Variants in CABP7 observed in about 807,000 individuals in gnomAD.
The protein encoded by CABP7 is calcium-binding protein 7.
Under a neutral mutation model 23.1 loss-of-function variants are expected in CABP7, and 13 were observed. The observed-to-expected ratio is 0.56, with a 90% CI of 0.37 to 0.90. The LOEUF (loss-of-function observed/expected upper bound fraction) is 0.90. Among genes scored for constraint, CABP7 ranks in the 40% least tolerant of loss-of-function variants. The pLI, the probability that CABP7 is intolerant of heterozygous loss-of-function variation, is 0.01. For missense variants in CABP7, 248 were observed against 295.6 expected, an observed-to-expected ratio of 0.84 and a Z score of 1.18; for synonymous variants, 123 against 115.3, an observed-to-expected ratio of 1.07 and a Z score of -0.43.
chr22:29,723,378 A>G lies in CABP7; in HGVS notation c.109+2845A>G, dbSNP rs570050265. 3.1e-4 allele frequency among the ~76,000 whole-genome samples: 47 copies of G among 152,158 alleles called. 2 individuals are homozygous for G. Among genetic ancestry groups the G allele is most frequent in the Admixed American group, 3.0e-3 (46 of 15,248 alleles). On this transcript the variant is annotated intron_variant, in intron 1 of 4. Transcript: ENST00000216144. ...GAGGGACAGGCACGGACTCTCTTAG[A>G]TCCCCTCTGTGTGCCCACCATGGCT...
At chr22:29,728,781 T>C (rs1204209417) in intron 3 of CABP7, 39 bp downstream of exon 3, 1 of 1,413,538 alleles carries the variant, frequency 7.1e-7, no homozygotes, top group African/African-American at 1.4e-5. Context: ...CTGTGCACAC[T>C]GTGGAGTTCT....
chr22:29,720,344 C>T lies in CABP7; in HGVS notation c.-81C>T, dbSNP rs2067750283. 3 of 737,762 alleles carry T rather than the reference C, an allele frequency of 4.1e-6. No individual in the cohort carries two copies. Among genetic ancestry groups the T allele is most frequent in the Non-Finnish European group, 5.3e-6 (3 of 564,132 alleles). The allele number at this position is 737,762 out of a possible 1,614,324, so 45.7% of individuals were successfully genotyped here. ...CCGCAGCCGCGCGCCCCGCCCGCTCCAGCCGCCCCCGGGGCCGCCACCGGC... is the reference window on the plus strand; with the variant it reads ...CCGCAGCCGCGCGCCCCGCCCGCTCTAGCCGCCCCCGGGGCCGCCACCGGC... On this transcript the variant is annotated 5_prime_UTR_variant, in exon 1 of 5. Transcript: ENST00000216144. The surrounding 1 kb of genome is among the most constrained non-coding windows in gnomAD (Gnocchi z 5.2).
At position 29,727,844 on chromosome 22, in the gene CABP7, T is replaced by C. The variant is rs571752028; in HGVS notation, c.253+39T>C. Reference sequence around the variant, plus strand: ...CGCCTCGGTTTCCCCACCTGGCATCTGGGCCCTGGGGGTGGGGCAGGGGCT... The same window carrying C: ...CGCCTCGGTTTCCCCACCTGGCATCCGGGCCCTGGGGGTGGGGCAGGGGCT... On this transcript the variant is annotated intron_variant, in intron 2 of 4. Coordinates refer to ENST00000216144, the MANE Select transcript of CABP7 (RefSeq NM_182527.3). The surrounding 1 kb of genome is among the most constrained non-coding windows in gnomAD (Gnocchi z 4.2). The C allele has an allele frequency of 6.3e-7, 1 of 1,587,662 alleles. No homozygotes were observed. Among genetic ancestry groups the C allele is most frequent in the Admixed American group, 1.7e-5 (1 of 58,240 alleles).
At position 29,720,257 on chromosome 22, in the gene CABP7, G is replaced by A. The variant is rs903117710; in HGVS notation, c.-168G>A. The A allele has an allele frequency of 1.3e-5, 2 of 153,390 alleles. No individual in the cohort carries two copies. Among genetic ancestry groups the A allele is most frequent in the Admixed American group, 1.4e-4 (2 of 14,750 alleles). The allele number at this position is 153,390 out of a possible 1,614,324, so 9.5% of individuals were successfully genotyped here. A position where few individuals can be genotyped will look rare whatever the true frequency, so the allele number is the denominator to read the frequency against. Reference sequence around the variant, plus strand: ...CGGGCGGCATGGCCCGGCGGCCCGGGGCGCGGGGGCGCTAGGCCCCCGGAG... The same window carrying A: ...CGGGCGGCATGGCCCGGCGGCCCGGAGCGCGGGGGCGCTAGGCCCCCGGAG... On this transcript the variant is annotated 5_prime_UTR_variant, in exon 1 of 5. Coordinates refer to ENST00000216144, the MANE Select transcript of CABP7 (RefSeq NM_182527.3). The surrounding 1 kb of genome is among the most constrained non-coding windows in gnomAD (Gnocchi z 5.2).
In CABP7 at chr22:29,720,398, C is replaced by T. The variant is rs757199083; in HGVS notation, c.-27C>T. On this transcript the variant is annotated 5_prime_UTR_variant, in exon 1 of 5. Coordinates refer to ENST00000216144, the MANE Select transcript of CABP7 (RefSeq NM_182527.3). This position sits in a 1 kb window ranked among gnomAD's most constrained non-coding sequence, Gnocchi z 5.2. ...TGAGCCCCGGCCTCAAAGTTTGCGG[C>T]GGGCGGGCGGGCGCGGAGCCTCCAA... 7 of 1,401,056 alleles carry T rather than the reference C, an allele frequency of 5.0e-6. No individual in the cohort carries two copies. The Admixed American group carries it at 9.5e-5, about 19-fold the overall frequency. 86.8% of individuals were successfully genotyped at this position (1,401,056 alleles called of 1,614,324 possible). A position where few individuals can be genotyped will look rare whatever the true frequency, so the allele number is the denominator to read the frequency against.
chr22:29,729,237 G>T, intron 4 of CABP7, 29 bp downstream of exon 4: 3 of 1,589,704 alleles, frequency 1.9e-6, no homozygotes, highest in Non-Finnish European at 2.6e-6. Flanking sequence ...AACCCCACGG[G>T]TGGGCCCAGT....
Position 29,731,658 on chromosome 22 carries a change from C to T in CABP7, c.*2089C>T, listed in dbSNP as rs2067846665. 9.0e-6 allele frequency: 3 copies of T among 333,290 alleles called. No homozygotes were observed. The highest frequency in any genetic ancestry group is 1.6e-5 in the Non-Finnish European group (3 of 183,734). The allele number at this position is 333,290 out of a possible 1,614,324, so 20.6% of individuals were successfully genotyped here. A position where few individuals can be genotyped will look rare whatever the true frequency, so the allele number is the denominator to read the frequency against. The stretch of plus-strand genomic sequence containing the variant: ...ATATGCACGTCCACAGCAGAGAATG[C>T]CATGCGGCCTGTGTAAGAATTAAGG... On this transcript the variant is annotated 3_prime_UTR_variant, in exon 5 of 5. Coordinates refer to ENST00000216144, the MANE Select transcript of CABP7 (RefSeq NM_182527.3).
Position 29,731,514 on chromosome 22 carries a change from G to A in CABP7, c.*1945G>A. The A allele has an allele frequency of 1.1e-6, 1 of 911,694 alleles. No individual in the cohort carries two copies. The highest frequency in any genetic ancestry group is 1.6e-6 in the Non-Finnish European group (1 of 642,946). 56.5% of individuals were successfully genotyped at this position (911,694 alleles called of 1,614,324 possible). On this transcript the variant is annotated 3_prime_UTR_variant, in exon 5 of 5. Coordinates refer to ENST00000216144, the MANE Select transcript of CABP7 (RefSeq NM_182527.3). The stretch of plus-strand genomic sequence containing the variant: ...CCTCGAAAATAGGCAGACCGTTTGA[G>A]CCAGCGACCTCACCTCTAGGAACTG...
At position 29,731,145 on chromosome 22, in the gene CABP7, C is replaced by T. The variant is rs768458582; in HGVS notation, c.*1576C>T. On this transcript the variant is annotated 3_prime_UTR_variant, in exon 5 of 5. Coordinates refer to ENST00000216144, the MANE Select transcript of CABP7 (RefSeq NM_182527.3). ...AGATGGTCTCGGAGCCTCCATGGGGCGTAGCAGGAACCGGGCTTGGCTTCC... is the reference window on the plus strand; with the variant it reads ...AGATGGTCTCGGAGCCTCCATGGGGTGTAGCAGGAACCGGGCTTGGCTTCC... 5.0e-6 allele frequency: 7 copies of T among 1,397,986 alleles called. No homozygotes were observed. Among genetic ancestry groups the T allele is most frequent in the African/African-American group, 1.5e-5 (1 of 66,344 alleles). The allele number at this position is 1,397,986 out of a possible 1,614,324, so 86.6% of individuals were successfully genotyped here. A position where few individuals can be genotyped will look rare whatever the true frequency, so the allele number is the denominator to read the frequency against.
rs1358916909 is a variant in CABP7 at position 29,731,109 on chromosome 22, T to A, written c.*1540T>A. The A allele has an allele frequency of 8.4e-7, 1 of 1,193,312 alleles. No homozygotes were observed. Among genetic ancestry groups the A allele is most frequent in the South Asian group, 2.0e-5 (1 of 49,256 alleles). The allele number at this position is 1,193,312 out of a possible 1,614,324, so 73.9% of individuals were successfully genotyped here. ...GGTGTGGCCGTGTCCTGAGCCTCAGTGAGGCTGGGCAGATGGTCTCGGAGC... is the reference window on the plus strand; with the variant it reads ...GGTGTGGCCGTGTCCTGAGCCTCAGAGAGGCTGGGCAGATGGTCTCGGAGC... On this transcript the variant is annotated 3_prime_UTR_variant, in exon 5 of 5. Coordinates refer to ENST00000216144, the MANE Select transcript of CABP7 (RefSeq NM_182527.3).
chr22:29,729,291 G>A (rs879225389), intron 4 of CABP7, 83 bp downstream of exon 4: 1 of 1,577,338 alleles, frequency 6.3e-7, no homozygotes, highest in Non-Finnish European at 8.7e-7. Flanking sequence ...GTCTGCAGAG[G>A]GGGGCTGGGG....
intron 1 of CABP7, among the ~76,000 whole-genome samples, chr22:29,725,678 G>A (rs1410742874): frequency 1.3e-5 from 2 of 152,164 alleles, no homozygotes; most frequent in Non-Finnish European, 2.9e-5. Context: ...GCTGAGAGCT[G>A]GGGTTGTGTC....
intron 1 of CABP7, among the ~76,000 whole-genome samples, chr22:29,724,050 A>C (rs1193349366): frequency 6.6e-6 from 1 of 152,242 alleles, no homozygotes; most frequent in East Asian, 1.9e-4. Flanking sequence ...GGTACCCGTC[A>C]GGCTACCCTT....
chr22:29,727,132 G>A lies in CABP7; in HGVS notation c.110-530G>A, dbSNP rs914218785. ...CCTCTGTCTTCCCTGAACCAAAAGA[G>A]GTCTGTGCCGCCTGTCAGCCCATTA... On this transcript the variant is annotated intron_variant, in intron 1 of 4. Transcript: ENST00000216144. This position sits in a 1 kb window ranked among gnomAD's most constrained non-coding sequence, Gnocchi z 4.2. 2.6e-5 allele frequency among the ~76,000 whole-genome samples: 4 copies of A among 152,166 alleles called. No homozygotes were observed. The highest frequency in any genetic ancestry group is 2.1e-4 in the South Asian group (1 of 4,822).
chr22:29,729,834 C>T lies in CABP7; in HGVS notation c.*265C>T. The T allele has an allele frequency of 2.0e-6, 1 of 504,766 alleles. No homozygotes were observed. The highest frequency in any genetic ancestry group is 3.5e-6 in the Non-Finnish European group (1 of 283,472). The allele number at this position is 504,766 out of a possible 1,614,324, so 31.3% of individuals were successfully genotyped here. ...TGGCCTGTAAGGAGCACTCACTCTT[C>T]CTACCATCCAGGGGCTCCTGGGAAA... On this transcript the variant is annotated 3_prime_UTR_variant, in exon 5 of 5. Transcript: ENST00000216144.
chr22:29,728,913 G>C (rs143196301), intron 3 of CABP7, 142 bp from the exon 4 acceptor site: 1 of 1,208,264 alleles, frequency 8.3e-7, no homozygotes, highest in East Asian at 2.4e-5. Context: ...GCCGGTGTTG[G>C]TCAAGGACTC....
intron 2 of CABP7, among the ~76,000 whole-genome samples, chr22:29,728,044 T>G (rs2147208437): frequency 6.6e-6 from 1 of 152,334 alleles, no homozygotes; most frequent in East Asian, 1.9e-4. Context: ...ATGGCTCCTT[T>G]CACTCTGTGT....
rs889962403 is a variant in CABP7, at chr22:29,727,516, C to T, written c.110-146C>T. 46 of 1,022,686 alleles carry T rather than the reference C, an allele frequency of 4.5e-5. No homozygotes were observed. The highest frequency in any genetic ancestry group is 6.5e-5 in the Non-Finnish European group (44 of 680,050). 63.4% of individuals were successfully genotyped at this position (1,022,686 alleles called of 1,614,324 possible). A position where few individuals can be genotyped will look rare whatever the true frequency, so the allele number is the denominator to read the frequency against. On this transcript the variant is annotated intron_variant, in intron 1 of 4. Transcript: ENST00000216144. This position sits in a 1 kb window ranked among gnomAD's most constrained non-coding sequence, Gnocchi z 4.2. ...AGAATACGGCACCCTTGTGCACCCTCGGGCCATGCTCTCACCAGATCTGCA... is the reference window on the plus strand; with the variant it reads ...AGAATACGGCACCCTTGTGCACCCTTGGGCCATGCTCTCACCAGATCTGCA...
intron 1 of CABP7, among the ~76,000 whole-genome samples, chr22:29,726,971 G>A (rs1383588979): frequency 3.3e-5 from 5 of 152,126 alleles, no homozygotes; most frequent in African/African-American, 4.8e-5. Context: ...CTTGTTCCCC[G>A]GGCTCCCAGC....
Sources: allele counts gnomAD v4.1 joint callset (sites outside exome capture counted in the v4.1 genomes callset), GRCh38; gene constraint gnomAD v4.1.1; non-coding constraint Gnocchi (gnomAD v3.1); transcripts MANE v1.5; gene names NCBI Gene and HGNC (gene_info 2026-07-23, HGNC 2026-07-21).